TMCO5A: variants seen among roughly 807,000 people sequenced by gnomAD.
The protein encoded by TMCO5A is transmembrane and coiled-coil domains 5A, also known as transmembrane and coiled-coil domain-containing protein 5A.
In TMCO5A, 34 loss-of-function variants were observed where a neutral mutation model predicts 42.3. That is an observed-to-expected ratio of 0.80 (90% CI 0.61 to 1.07). The LOEUF is 1.07. Ranked by LOEUF, TMCO5A falls within the 50% of genes least tolerant of loss-of-function variation. The probability of loss-of-function intolerance (pLI) is 0.00; values close to 1 mark genes in which losing one functional copy is unlikely to be tolerated. For synonymous variants in TMCO5A, 131 were observed against 115.6 expected, an observed-to-expected ratio of 1.13 and a Z score of -0.86; for missense variants, 357 against 327.9, an observed-to-expected ratio of 1.09 and a Z score of -0.69.
At chr15:37,979,830 T>A in the TMCO5A span, among the ~76,000 whole-genome samples, 38 of 151,292 alleles carry the variant, frequency 2.5e-4, no homozygotes, top group East Asian at 6.9e-3. Flanking sequence ...CCAGGAGGGG[T>A]GAGATGGCTG....
At chr15:37,996,041 C>T in the TMCO5A span, among the ~76,000 whole-genome samples, 1 of 152,146 alleles carries the variant, frequency 6.6e-6, no homozygotes, top group African/African-American at 2.4e-5. Flanking sequence ...AAATAAGCAC[C>T]TAAAATAGAT....
chr15:38,012,080 C>T, the TMCO5A span, among the ~76,000 whole-genome samples: 17 of 151,372 alleles, frequency 1.1e-4, no homozygotes, highest in East Asian at 1.6e-3. Context: ...GCCAAGATCG[C>T]GCCACTGCAC....
At chr15:37,982,645 A>T in the TMCO5A span, among the ~76,000 whole-genome samples, 1 of 141,312 alleles carries the variant, frequency 7.1e-6, no homozygotes. Context: ...ATATAGATAT[A>T]TAGTAGGTAT....
At chr15:37,983,909 G>C in the TMCO5A span, among the ~76,000 whole-genome samples, 2 of 151,806 alleles carry the variant, frequency 1.3e-5, no homozygotes, top group African/African-American at 4.8e-5. Context: ...ATTTTTAGTA[G>C]AGACGTAGAG....
chr15:37,977,244 C>T, the TMCO5A span, among the ~76,000 whole-genome samples: 1 of 152,146 alleles, frequency 6.6e-6, no homozygotes, highest in South Asian at 2.1e-4. Flanking sequence ...TGGTGAAGAA[C>T]CATTGTTGGG....
the TMCO5A span, among the ~76,000 whole-genome samples, chr15:38,007,008 T>C: frequency 6.6e-6 from 1 of 152,156 alleles, no homozygotes; most frequent in Non-Finnish European, 1.5e-5. Context: ...ACTAAAACTT[T>C]ATTCAGCAAT....
chr15:37,963,284 T>A (rs546418558), intron 11 of TMCO5A, among the ~76,000 whole-genome samples: 106 of 152,280 alleles, frequency 7.0e-4, no homozygotes, highest in Middle Eastern at 3.4e-3. Context: ...AATTTTTTAA[T>A]TTCCATCTTC....
At position 37,938,177 on chromosome 15, in the gene TMCO5A, AG is replaced by A; in HGVS notation, c.336del (p.Ile113Ter). On this transcript the variant is annotated frameshift_variant, in exon 6 of 12. Coordinates refer to ENST00000319669, the MANE Select transcript of TMCO5A (RefSeq NM_152453.4). LOFTEE classifies it high-confidence loss of function. ...CTATAGCTTACAAGGAAATCACAAA[AG>A]ATAACCAATTGTGAACAAAGCAGTC... ...LQQKLTRKSQ[K>X]ITNCEQSSPD... 6.3e-7 allele frequency: 1 copy of A among 1,580,784 alleles called. No homozygotes were observed. Among genetic ancestry groups the A allele is most frequent in the Non-Finnish European group, 8.6e-7 (1 of 1,162,054 alleles).
intron 11 of TMCO5A, among the ~76,000 whole-genome samples, chr15:37,964,212 T>C (rs114591241): frequency 0.016 from 2,440 of 152,286 alleles, 73 homozygotes; most frequent in African/African-American, 0.055. Flanking sequence ...TAATACTCTC[T>C]CCCTTTTCCT....
At chr15:37,968,589 T>C (rs1383899356), downstream of TMCO5A, among the ~76,000 whole-genome samples, 1 of 151,418 alleles carries the variant, frequency 6.6e-6, no homozygotes, top group Non-Finnish European at 1.5e-5. Context: ...TTTCTTTTTT[T>C]TTTTTTTTTT....
At chr15:37,983,175 C>A in the TMCO5A span, among the ~76,000 whole-genome samples, 3 of 152,294 alleles carry the variant, frequency 2.0e-5, no homozygotes, top group East Asian at 3.9e-4. Flanking sequence ...ATGACACTCA[C>A]CTTTCCCCCT....
At chr15:37,968,511 C>T (rs866043271), downstream of TMCO5A, among the ~76,000 whole-genome samples, 5 of 151,782 alleles carry the variant, frequency 3.3e-5, no homozygotes, top group South Asian at 2.1e-4. Context: ...TTCGTTTCTA[C>T]GGTCAAACCT....
At chr15:37,978,909 T>C in the TMCO5A span, among the ~76,000 whole-genome samples, 1 of 151,942 alleles carries the variant, frequency 6.6e-6, no homozygotes, top group East Asian at 1.9e-4. Flanking sequence ...AGCAGGCATC[T>C]TAATGGCAGG....
chr15:38,033,197 C>T, the TMCO5A span, among the ~76,000 whole-genome samples: 12 of 152,096 alleles, frequency 7.9e-5, no homozygotes, highest in Admixed American at 7.9e-4. Flanking sequence ...GAAATTTGGT[C>T]TCTTACCCTT....
At chr15:37,938,281 A>C in intron 6 of TMCO5A, 52 bp downstream of exon 6, 2 of 1,429,736 alleles carry the variant, frequency 1.4e-6, no homozygotes, top group Non-Finnish European at 1.9e-6. Flanking sequence ...ACCAGGAAAC[A>C]AGCTGTTAAG....
chr15:37,976,139 G>A, the TMCO5A span, among the ~76,000 whole-genome samples: 1 of 151,898 alleles, frequency 6.6e-6, no homozygotes, highest in Non-Finnish European at 1.5e-5. Context: ...CAGCTACTCG[G>A]GAGGCTGAGG....
chr15:37,936,422 A>G lies in TMCO5A; in HGVS notation c.99A>G (p.Lys33=). Residue 33 remains lysine (K), a synonymous_variant, in exon 3 of 12, where the codon AAA becomes AAG. Transcript: ENST00000319669. ...DTQRIDEANQ[K]LLLKIQERED... ...AGAGAATAGATGAAGCAAATCAGAA[A>G]CTTCTTCTCAAAATCCAAGAGAGGG... 1.2e-6 allele frequency: 2 copies of G among 1,613,108 alleles called. No individual in the cohort carries two copies. Among genetic ancestry groups the G allele is most frequent in the South Asian group, 1.1e-5 (1 of 91,052 alleles).
chr15:37,976,613 CT>C, the TMCO5A span, among the ~76,000 whole-genome samples: 2 of 151,998 alleles, frequency 1.3e-5, no homozygotes, highest in African/African-American at 4.8e-5. Flanking sequence ...CTTTTTGTTT[CT>C]TCCTTACTTT....
chr15:38,011,268 T>A, the TMCO5A span, among the ~76,000 whole-genome samples: 5 of 152,138 alleles, frequency 3.3e-5, no homozygotes, highest in Non-Finnish European at 7.3e-5. Flanking sequence ...TGCATAATAG[T>A]AGACTGAGGG....
Sources: allele counts gnomAD v4.1 joint callset (sites outside exome capture counted in the v4.1 genomes callset), GRCh38; gene constraint gnomAD v4.1.1; transcripts MANE v1.5; gene names NCBI Gene and HGNC (gene_info 2026-07-23, HGNC 2026-07-21).